GPC5: variants seen among roughly 807,000 people sequenced by gnomAD.
GPC5 encodes the protein glypican-5.
Under a neutral mutation model 53.9 loss-of-function variants are expected in GPC5, and 47 were observed. The observed-to-expected ratio is 0.87, with a 90% confidence interval of 0.69 to 1.11. The LOEUF is 1.11. Ranked by LOEUF, GPC5 falls within the 50% of genes most tolerant of loss-of-function variation. The pLI is 0.00. For synonymous variants in GPC5, 286 were observed against 263.3 expected, an observed-to-expected ratio of 1.09 and a Z score of -0.84; for missense variants, 748 against 713.1, an observed-to-expected ratio of 1.05 and a Z score of -0.56.
Position 91,509,673 on chromosome 13 carries a change from T to C in GPC5, c.325+60751T>C, listed in dbSNP as rs1594186730. Reference sequence around the variant, plus strand: ...TTACTAATCATATTTCTTAACTCTTTCTAAAGTAACATTTTTATTCAAAGC... The same window carrying C: ...TTACTAATCATATTTCTTAACTCTTCCTAAAGTAACATTTTTATTCAAAGC... On this transcript the variant is annotated intron_variant, in intron 2 of 7. Transcript: ENST00000377067. Among the ~76,000 whole-genome samples, 4 of 152,164 alleles carry C rather than the reference T, an allele frequency of 2.6e-5. No homozygotes were observed. In the South Asian group the frequency reaches 8.3e-4, roughly 32 times the overall value.
intron 6 of GPC5, among the ~76,000 whole-genome samples, chr13:91,916,260 C>A (rs2039657648): frequency 6.6e-6 from 1 of 152,058 alleles, no homozygotes. Context: ...AAAATGTTAA[C>A]CATTATGACC....
At chr13:92,451,925 T>A (rs1878076410) in intron 7 of GPC5, among the ~76,000 whole-genome samples, 1 of 152,218 alleles carries the variant, frequency 6.6e-6, no homozygotes, top group South Asian at 2.1e-4. Flanking sequence ...GATGTGGTGA[T>A]AAATGTTTTC....
At chr13:91,963,845 GCAT>G (rs1037321384) in intron 6 of GPC5, among the ~76,000 whole-genome samples, 9 of 152,142 alleles carry the variant, frequency 5.9e-5, no homozygotes, top group African/African-American at 1.9e-4. Context: ...AATGGAAGAA[GCAT>G]CAATCATAGA....
At chr13:91,901,334 G>A (rs2039495446) in intron 5 of GPC5, among the ~76,000 whole-genome samples, 1 of 151,928 alleles carries the variant, frequency 6.6e-6, no homozygotes, top group Non-Finnish European at 1.5e-5. Flanking sequence ...TGAGATAGTG[G>A]GATCACAAAA....
chr13:91,582,327 A>T (rs1482656962), intron 2 of GPC5, among the ~76,000 whole-genome samples: 1 of 152,198 alleles, frequency 6.6e-6, no homozygotes, highest in Non-Finnish European at 1.5e-5. Flanking sequence ...ATCAAAATAA[A>T]ATATTCTCTG....
At chr13:92,814,286 C>A (rs1464408387) in intron 7 of GPC5, among the ~76,000 whole-genome samples, 1 of 151,882 alleles carries the variant, frequency 6.6e-6, no homozygotes, top group Non-Finnish European at 1.5e-5. Context: ...AGGACAAAAT[C>A]TTTGTGACCT....
At chr13:92,360,803 C>G (rs1566556448) in intron 7 of GPC5, among the ~76,000 whole-genome samples, 1 of 151,836 alleles carries the variant, frequency 6.6e-6, no homozygotes, top group Non-Finnish European at 1.5e-5. Flanking sequence ...AATCATTTTA[C>G]AAATATCACT....
chr13:92,679,814 A>T (rs1487003209), intron 7 of GPC5, among the ~76,000 whole-genome samples: 1 of 151,804 alleles, frequency 6.6e-6, no homozygotes, highest in Non-Finnish European at 1.5e-5. Context: ...GCTCTCTCTC[A>T]TGCACTCTCT....
At chr13:92,208,458 G>C (rs1221430927) in intron 7 of GPC5, among the ~76,000 whole-genome samples, 2 of 152,172 alleles carry the variant, frequency 1.3e-5, no homozygotes, top group African/African-American at 4.8e-5. Flanking sequence ...TTTCAGCAAA[G>C]GTCTTCCAAA....
chr13:91,660,589 T>A (rs1353431364), intron 2 of GPC5, among the ~76,000 whole-genome samples: 3 of 152,226 alleles, frequency 2.0e-5, no homozygotes, highest in Non-Finnish European at 2.9e-5. Context: ...ATATTTGTTG[T>A]CATCAACCAC....
intron 2 of GPC5, among the ~76,000 whole-genome samples, chr13:91,648,734 A>G (rs189995308): frequency 1.3e-5 from 2 of 152,254 alleles, no homozygotes; most frequent in African/African-American, 4.8e-5. Context: ...ACTCAGATAT[A>G]TTACCACCAT....
chr13:91,561,673 C>T (rs2031269744), intron 2 of GPC5, among the ~76,000 whole-genome samples: 1 of 151,878 alleles, frequency 6.6e-6, no homozygotes. Flanking sequence ...TTTCATTCAC[C>T]TGTTTGGTCT....
intron 2 of GPC5, among the ~76,000 whole-genome samples, chr13:91,463,062 C>A (rs1015353508): frequency 4.6e-5 from 7 of 151,992 alleles, no homozygotes; most frequent in African/African-American, 1.7e-4. Context: ...TGATATCTGG[C>A]AGTGGGGGGA....
chr13:92,692,065 C>G (rs1184202614), intron 7 of GPC5, among the ~76,000 whole-genome samples: 1 of 152,086 alleles, frequency 6.6e-6, no homozygotes, highest in Non-Finnish European at 1.5e-5. Flanking sequence ...GTCTATTGTT[C>G]CCACCTTTAT....
At chr13:92,193,038 G>C (rs1326539579) in intron 7 of GPC5, among the ~76,000 whole-genome samples, 1 of 152,108 alleles carries the variant, frequency 6.6e-6, no homozygotes, top group African/African-American at 2.4e-5. Flanking sequence ...AGCTGGGTGT[G>C]TTGGCGAGTG....
At chr13:91,454,786 C>T (rs905338710) in intron 2 of GPC5, among the ~76,000 whole-genome samples, 5 of 152,030 alleles carry the variant, frequency 3.3e-5, no homozygotes, top group African/African-American at 1.2e-4. Context: ...TTTATATTCT[C>T]ATTCTAGATT....
intron 3 of GPC5, among the ~76,000 whole-genome samples, chr13:91,715,730 T>C (rs1413099402): frequency 1.3e-5 from 2 of 151,498 alleles, no homozygotes; most frequent in Non-Finnish European, 2.9e-5. Context: ...TTTTTGTTCA[T>C]AAATTATCTT....
At chr13:92,823,209 C>T (rs1877732359) in intron 7 of GPC5, among the ~76,000 whole-genome samples, 1 of 152,070 alleles carries the variant, frequency 6.6e-6, no homozygotes, top group South Asian at 2.1e-4. Flanking sequence ...GAACCAGGTG[C>T]ATAGGAAATA....
chr13:91,404,419 T>G (rs1175438784), intron 1 of GPC5, among the ~76,000 whole-genome samples: 1 of 152,376 alleles, frequency 6.6e-6, no homozygotes, highest in Non-Finnish European at 1.5e-5. Context: ...TCTGATCTAC[T>G]TGGTTAAGTA....
Sources: allele counts gnomAD v4.1 joint callset (sites outside exome capture counted in the v4.1 genomes callset), GRCh38; gene constraint gnomAD v4.1.1; transcripts MANE v1.5; gene names NCBI Gene and HGNC (gene_info 2026-07-23, HGNC 2026-07-21).